The following SLC35F4 variants were observed in gnomAD, a reference collection of about 807,000 sequenced individuals.
The protein encoded by SLC35F4 is solute carrier family 35 member F4.
Under a neutral mutation model 44.2 loss-of-function variants are expected in SLC35F4, and 24 were observed. The observed-to-expected ratio is 0.54, with a 90% confidence interval of 0.39 to 0.76. The LOEUF (loss-of-function observed/expected upper bound fraction) is 0.76. Among genes scored for constraint, SLC35F4 ranks in the 30% least tolerant of loss-of-function variants. The pLI is 0.00. For synonymous variants in SLC35F4, 238 were observed against 223.6 expected (o/e 1.06, Z -0.57); for missense variants, 562 against 586.1 (o/e 0.96, Z 0.42).
chr14:57,608,559 G>C (rs964437135), intron 1 of SLC35F4, among the ~76,000 whole-genome samples: 3 of 152,086 alleles, frequency 2.0e-5, no homozygotes, highest in Non-Finnish European at 4.4e-5. Context: ...CTTGACCTTG[G>C]ACTTCCAGCC....
chr14:57,857,484 ACT>A (rs2141001432), intron 1 of SLC35F4, among the ~76,000 whole-genome samples: 1 of 151,786 alleles, frequency 6.6e-6, no homozygotes, highest in East Asian at 1.9e-4. Flanking sequence ...ACCATCATGT[ACT>A]CTTTCTTTTT....
intron 1 of SLC35F4, among the ~76,000 whole-genome samples, chr14:57,830,965 C>T (rs1232741443): frequency 6.6e-6 from 1 of 152,164 alleles, no homozygotes; most frequent in Admixed American, 6.6e-5. Flanking sequence ...ATTTGAAGCA[C>T]TGGGGGTGCA....
intron 3 of SLC35F4, among the ~76,000 whole-genome samples, chr14:57,588,837 C>T (rs566846780): frequency 6.6e-5 from 10 of 152,230 alleles, no homozygotes; most frequent in South Asian, 2.1e-4. Context: ...TTATAAAACA[C>T]GACTTTCAGA....
In SLC35F4 at chr14:57,665,999, G is replaced by C. The variant is rs146988854; in HGVS notation, c.104-71875C>G. Reference sequence around the variant, plus strand: ...TATTGGAAGGTGGGAGGAGGGAGAGGATCAGAAAAAATCACTAATAGGTAC... The same window carrying C: ...TATTGGAAGGTGGGAGGAGGGAGAGCATCAGAAAAAATCACTAATAGGTAC... On this transcript the variant is annotated intron_variant, in intron 1 of 7. Transcript: ENST00000556826. 5.1e-3 allele frequency among the ~76,000 whole-genome samples: 776 copies of C among 152,164 alleles called. 8 individuals are homozygous for C. Among genetic ancestry groups the C allele is most frequent in the African/African-American group, 0.018 (727 of 41,526 alleles).
chr14:57,792,522 A>C (rs1336236574), intron 1 of SLC35F4, among the ~76,000 whole-genome samples: 1 of 152,168 alleles, frequency 6.6e-6, no homozygotes, highest in Non-Finnish European at 1.5e-5. Flanking sequence ...ATGCCCATCA[A>C]CCAATGAGTG....
intron 1 of SLC35F4, among the ~76,000 whole-genome samples, chr14:57,943,217 T>C (rs113953140): frequency 1.3e-5 from 2 of 152,344 alleles, no homozygotes; most frequent in African/African-American, 4.8e-5. Flanking sequence ...CAGTGGTTTT[T>C]GCACAGAATT....
downstream of SLC35F4, among the ~76,000 whole-genome samples, chr14:57,974,584 A>C (rs1371510169): frequency 6.6e-6 from 1 of 152,156 alleles, no homozygotes; most frequent in African/African-American, 2.4e-5. Flanking sequence ...TAAGACATCA[A>C]ATGGTTCAGG....
chr14:57,888,896 T>C (rs1256061424), intron 1 of SLC35F4, among the ~76,000 whole-genome samples: 2 of 152,192 alleles, frequency 1.3e-5, no homozygotes, highest in African/African-American at 2.4e-5. Context: ...ATATACCAAA[T>C]ATAAATAATT....
At chr14:57,894,588 T>C (rs940172661) in intron 1 of SLC35F4, among the ~76,000 whole-genome samples, 17 of 152,166 alleles carry the variant, frequency 1.1e-4, no homozygotes, top group Admixed American at 4.6e-4. Context: ...ATTCTCTTTA[T>C]GATAATTTAT....
chr14:57,951,672 G>T lies in SLC35F4; in HGVS notation n.282+30241C>A, dbSNP rs180849540. Reference sequence around the variant, plus strand: ...ACAGTGTAAACAAAGCCTCAGGGAAGTTCAGACTGGGCAGAGCCCACCACA... The same window carrying T: ...ACAGTGTAAACAAAGCCTCAGGGAATTTCAGACTGGGCAGAGCCCACCACA... On this transcript the variant is annotated intron_variant and non_coding_transcript_variant, in intron 1 of 1. Transcript: ENST00000556568. 1.2e-3 allele frequency among the ~76,000 whole-genome samples: 185 copies of T among 152,318 alleles called. 2 individuals carry two copies. In the Middle Eastern group the frequency reaches 0.017, roughly 14 times the overall value.
At chr14:57,568,136 G>A (rs1301762559) in intron 6 of SLC35F4, among the ~76,000 whole-genome samples, 1 of 152,242 alleles carries the variant, frequency 6.6e-6, no homozygotes, top group East Asian at 1.9e-4. Flanking sequence ...TTGGCACAGT[G>A]AGCTCTCTGC....
At chr14:57,639,151 C>G (rs1360041792) in intron 1 of SLC35F4, among the ~76,000 whole-genome samples, 1 of 152,026 alleles carries the variant, frequency 6.6e-6, no homozygotes, top group Admixed American at 6.6e-5. Context: ...GTTTAGAAAA[C>G]AATTTGAAAA....
At chr14:57,950,675 C>CTTTCTTTTTTTTTT in intron 1 of SLC35F4, among the ~76,000 whole-genome samples, 1 of 127,212 alleles carries the variant, frequency 7.9e-6, no homozygotes, top group Non-Finnish European at 1.6e-5. Flanking sequence ...TTCTTTCTTT[C>CTTTCTTTTTTTTTT]TTTTTTTTTT....
intron 1 of SLC35F4, among the ~76,000 whole-genome samples, chr14:57,873,845 C>T (rs1595260494): frequency 6.6e-6 from 1 of 152,124 alleles, no homozygotes; most frequent in Admixed American, 6.5e-5. Flanking sequence ...CGCCTGCCTG[C>T]ACACCATCTT....
At chr14:57,716,627 C>T (rs546665032) in intron 1 of SLC35F4, among the ~76,000 whole-genome samples, 76 of 152,214 alleles carry the variant, frequency 5.0e-4, no homozygotes, top group South Asian at 1.9e-3. Flanking sequence ...AATAATTGTA[C>T]ATATGTATGG....
At chr14:57,770,387 G>A (rs2077335186) in intron 1 of SLC35F4, among the ~76,000 whole-genome samples, 1 of 152,198 alleles carries the variant, frequency 6.6e-6, no homozygotes, top group African/African-American at 2.4e-5. Context: ...AGGGGTCGGG[G>A]AGTTGTTGGG....
At chr14:57,612,433 G>A (rs1252670234) in intron 1 of SLC35F4, among the ~76,000 whole-genome samples, 2 of 152,170 alleles carry the variant, frequency 1.3e-5, no homozygotes, top group Admixed American at 1.3e-4. Flanking sequence ...TCATATTCAA[G>A]CTTCAAGTCT....
intron 1 of SLC35F4, among the ~76,000 whole-genome samples, chr14:57,713,077 A>T (rs1055817620): frequency 6.6e-6 from 1 of 152,202 alleles, no homozygotes; most frequent in Non-Finnish European, 1.5e-5. Flanking sequence ...AGATTAAATC[A>T]AGTCACCAAA....
At chr14:57,825,483 C>T (rs1170929357) in intron 1 of SLC35F4, among the ~76,000 whole-genome samples, 1 of 152,096 alleles carries the variant, frequency 6.6e-6, no homozygotes, top group Non-Finnish European at 1.5e-5. Context: ...CACTCCCTAC[C>T]TACCTCTGTA....
Sources: allele counts gnomAD v4.1 joint callset (sites outside exome capture counted in the v4.1 genomes callset), GRCh38; gene constraint gnomAD v4.1.1; transcripts MANE v1.5; gene names NCBI Gene and HGNC (gene_info 2026-07-23, HGNC 2026-07-21).